BRAF: variants seen among roughly 807,000 people sequenced by gnomAD.
BRAF encodes the protein serine/threonine-protein kinase B-raf.
BRAF carries 16 observed loss-of-function variants against 104.6 expected under a neutral mutation model. The ratio of observed to expected loss-of-function variants is 0.15; its 90% confidence interval spans 0.10 to 0.23. The LOEUF is 0.23. Ranked by LOEUF, BRAF falls within the 10% of genes least tolerant of loss-of-function variation. The probability of loss-of-function intolerance (pLI) is 1.00; values close to 1 mark genes in which losing one functional copy is unlikely to be tolerated. For missense variants in BRAF, 541 were observed against 937.3 expected (o/e 0.58, Z 5.52); for synonymous variants, 310 against 341.6 (o/e 0.91, Z 1.02).
intron 1 of BRAF, among the ~76,000 whole-genome samples, chr7:140,883,324 T>A (rs1813159468): frequency 6.6e-6 from 1 of 152,214 alleles, no homozygotes. Flanking sequence ...GGCAATTTTG[T>A]TTTTCCTCTA....
At chr7:140,921,005 A>G (rs2129148703) in intron 1 of BRAF, among the ~76,000 whole-genome samples, 1 of 152,316 alleles carries the variant, frequency 6.6e-6, no homozygotes, top group South Asian at 2.1e-4. Context: ...ACCTCATTAT[A>G]AAGGAGATTA....
At chr7:140,826,742 C>T (rs1806096258) in intron 3 of BRAF, among the ~76,000 whole-genome samples, 1 of 152,140 alleles carries the variant, frequency 6.6e-6, no homozygotes, top group Non-Finnish European at 1.5e-5. Context: ...ACACTTTACT[C>T]CTAAATACTT....
At chr7:140,833,688 C>T (rs1179794863) in intron 3 of BRAF, among the ~76,000 whole-genome samples, 6 of 152,034 alleles carry the variant, frequency 3.9e-5, no homozygotes, top group Non-Finnish European at 7.4e-5. Flanking sequence ...GGAAAAAGGG[C>T]AGAAAAAGTA....
intron 3 of BRAF, among the ~76,000 whole-genome samples, chr7:140,821,761 A>C (rs1192569636): frequency 6.6e-6 from 1 of 152,168 alleles, no homozygotes; most frequent in Non-Finnish European, 1.5e-5. Flanking sequence ...AAAATGAATC[A>C]TTCTACGAAA....
intron 12 of BRAF, 52 bp from the exon 12 acceptor site, chr7:140,778,127 G>C (rs1373663724): frequency 3.2e-6 from 5 of 1,548,460 alleles, no homozygotes; most frequent in South Asian, 1.1e-5. Flanking sequence ...AAATTTAAAA[G>C]TATAAAACAT....
chr7:140,899,066 G>A (rs1815287971), intron 1 of BRAF, among the ~76,000 whole-genome samples: 2 of 151,866 alleles, frequency 1.3e-5, no homozygotes, highest in African/African-American at 4.8e-5. Flanking sequence ...TTTCTATCTT[G>A]GGGTTAATAT....
chr7:140,734,797 G>GAAAAAAAAAAAAAAAAAAAAAAAAAGA (rs60814637), intron 18 of BRAF, 27 bp from the exon 18 acceptor site: 2 of 1,081,658 alleles, frequency 1.8e-6, no homozygotes, highest in Admixed American at 3.5e-5. Context: ...AAAAAAAAAA[G>GAAAAAAAAAAAAAAAAAAAAAAAAAGA]AAAAAAAAAG....
Position 140,808,049 on chromosome 7 carries a change from T to C in BRAF, c.622A>G (p.Ile208Val), listed in dbSNP as rs727504571. The change falls in exon 5 of 20, where the codon ATT (isoleucine) becomes GTT (valine). Residue 208 changes from isoleucine (I) to valine (V), a missense_variant. By Grantham distance (29) the Ile-to-Val change is conservative. Around this residue, in one of 10 missense-constraint regions of BRAF, gnomAD observed 26 missense variants for 74.4 expected, o/e 0.35. Transcript: ENST00000644969. The stretch of plus-strand genomic sequence containing the variant: ...CAGGAAATATCAGTGTCCCAACCAA[T>C]TGGTTTCTTCTCTCTGAAAAATGTA... ...YRIQDGEKKP[I>V]GWDTDISWLT... The C allele has an allele frequency of 1.5e-5, 24 of 1,612,526 alleles. No homozygotes were observed. Among genetic ancestry groups the C allele is most frequent in the African/African-American group, 2.7e-5 (2 of 74,860 alleles).
chr7:140,853,051 A>G (rs372201067), intron 1 of BRAF, among the ~76,000 whole-genome samples: 1 of 152,266 alleles, frequency 6.6e-6, no homozygotes, highest in South Asian at 2.1e-4. Context: ...GTTTATTAAC[A>G]AGAGTTTCTG....
chr7:140,789,854 C>A (rs1217316279), intron 8 of BRAF, among the ~76,000 whole-genome samples: 1 of 152,196 alleles, frequency 6.6e-6, no homozygotes, highest in Non-Finnish European at 1.5e-5. Context: ...CCTCGGCCTC[C>A]CGAGTAGCTA....
chr7:140,777,019 G>A lies in BRAF; in HGVS notation c.1707C>T (p.Thr569=), dbSNP rs1394677254. The A allele has an allele frequency of 6.2e-7, 1 of 1,613,858 alleles. No individual in the cohort carries two copies. The highest frequency in any genetic ancestry group is 8.5e-7 in the Non-Finnish European group (1 of 1,179,866). Residue 569 remains threonine, a synonymous_variant, in exon 14 of 20, where the codon ACC becomes ACT. Coordinates refer to ENST00000644969, the MANE Select transcript of BRAF (RefSeq NM_001374258.1). ...YSTKPQLAIV[T]QWCEGSSLYH... ...ACAAGCTGGAGCCCTCACACCACTG[G>A]GTAACAATAGCCAGTTGTGGCTTTG...
intron 17 of BRAF, chr7:140,748,819 A>G (rs1040798430): frequency 6.3e-6 from 1 of 158,574 alleles, no homozygotes; most frequent in African/African-American, 2.4e-5. Context: ...CATTCTCATT[A>G]TAGAAAAATC....
chr7:140,726,375 T>A lies in BRAF; in HGVS notation c.*119A>T, dbSNP rs757143536. 1 of 1,503,544 alleles carries A rather than the reference T, an allele frequency of 6.7e-7. No homozygotes were observed. The highest frequency in any genetic ancestry group is 1.3e-5 in the South Asian group (1 of 77,740). 93.1% of individuals were successfully genotyped at this position (1,503,544 alleles called of 1,614,324 possible). On this transcript the variant is annotated 3_prime_UTR_variant, in exon 20 of 20. Coordinates refer to ENST00000644969, the MANE Select transcript of BRAF (RefSeq NM_001374258.1). ...TTCCATTCTGTTCCACATCAGCTTATGCATTGGAAATTTTGTATCTTTAAA... is the reference window on the plus strand; with the variant it reads ...TTCCATTCTGTTCCACATCAGCTTAAGCATTGGAAATTTTGTATCTTTAAA...
intron 2 of BRAF, 32 bp downstream of exon 2, chr7:140,850,079 A>C (rs1456222803): frequency 6.8e-7 from 1 of 1,474,782 alleles, no homozygotes; most frequent in South Asian, 1.2e-5. Flanking sequence ...TTTTCTTTTC[A>C]AAATTACTAG....
At position 140,872,390 on chromosome 7, in the gene BRAF, T is replaced by C. The variant is rs552291759; in HGVS notation, c.139-22178A>G. ...TGAAGTAAAATGAAAGCTTAAATTA[T>C]GAGAGTAAAGTTAATATCCCAGAAT... On this transcript the variant is annotated intron_variant, in intron 1 of 19. Coordinates refer to ENST00000644969, the MANE Select transcript of BRAF (RefSeq NM_001374258.1). 1.1e-4 allele frequency among the ~76,000 whole-genome samples: 16 copies of C among 152,002 alleles called. No individual in the cohort carries two copies. In the South Asian group the frequency reaches 1.5e-3, roughly 14 times the overall value.
rs200393520 is a variant in BRAF at position 140,734,494 on chromosome 7, T to TA, written c.2401+122dup. 1.4e-3 allele frequency: 2,173 copies of TA among 1,551,582 alleles called. 3 individuals are homozygous for TA. The highest frequency in any genetic ancestry group is 3.1e-3 in the South Asian group (265 of 86,304). On this transcript the variant is annotated intron_variant, in intron 19 of 19. Coordinates refer to ENST00000644969, the MANE Select transcript of BRAF (RefSeq NM_001374258.1). ...CACACAAGTGTTCTTTGGTTCACCTTAAAAAAAAAGAGAGTATTTTATTCA... is the reference window on the plus strand; with the variant it reads ...CACACAAGTGTTCTTTGGTTCACCTTAAAAAAAAAAGAGAGTATTTTATTCA...
chr7:140,799,204 T>C (rs998745056), intron 7 of BRAF: 6 of 222,480 alleles, frequency 2.7e-5, no homozygotes, highest in African/African-American at 4.5e-5. Flanking sequence ...AACTGATTAA[T>C]AATACTGTTC....
intron 2 of BRAF, among the ~76,000 whole-genome samples, chr7:140,841,779 A>G (rs1807995435): frequency 6.6e-6 from 1 of 152,160 alleles, no homozygotes; most frequent in African/African-American, 2.4e-5. Context: ...AGTGATAAAA[A>G]TGTTTTGGAA....
At chr7:140,918,352 C>T (rs928865808) in intron 1 of BRAF, among the ~76,000 whole-genome samples, 11 of 152,144 alleles carry the variant, frequency 7.2e-5, no homozygotes, top group African/African-American at 2.7e-4. Flanking sequence ...AAGAAGCACA[C>T]AATCTAGATC....
Sources: allele counts gnomAD v4.1 joint callset (sites outside exome capture counted in the v4.1 genomes callset), GRCh38; gene constraint gnomAD v4.1.1; regional missense constraint gnomAD v4.1.1; transcripts MANE v1.5; gene names NCBI Gene and HGNC (gene_info 2026-07-23, HGNC 2026-07-21).